The following GRIP1 variants were observed in gnomAD, a reference collection of about 807,000 sequenced individuals.
GRIP1 encodes glutamate receptor-interacting protein 1.
A neutral mutation model predicts 129.9 loss-of-function variants in GRIP1; 45 were observed. That is an observed-to-expected ratio of 0.35 (90% confidence interval 0.27 to 0.44). The LOEUF is 0.44. GRIP1 is among the 20% of genes least tolerant of loss of function. GRIP1 has a pLI of 1.00. For synonymous variants in GRIP1, 530 were observed against 520.8 expected, an observed-to-expected ratio of 1.02 and a Z score of -0.24; for missense variants, 1,196 against 1,396.8, an observed-to-expected ratio of 0.86 and a Z score of 2.29.
intron 1 of GRIP1, among the ~76,000 whole-genome samples, chr12:66,677,549 A>G (rs371745183): frequency 1.3e-5 from 2 of 152,308 alleles, no homozygotes; most frequent in East Asian, 3.9e-4. Flanking sequence ...GTCTGTACCA[A>G]TTGTAGAGGA....
At chr12:66,677,276 G>A (rs1420553933) in intron 1 of GRIP1, among the ~76,000 whole-genome samples, 2 of 152,102 alleles carry the variant, frequency 1.3e-5, no homozygotes, top group African/African-American at 4.8e-5. Flanking sequence ...AAAAATATTT[G>A]TAAGAACTAT....
At chr12:66,697,108 TGAAG>T (rs2035193267) in intron 1 of GRIP1, among the ~76,000 whole-genome samples, 1 of 152,058 alleles carries the variant, frequency 6.6e-6, no homozygotes, top group African/African-American at 2.4e-5. Flanking sequence ...AGTGAATGAA[TGAAG>T]GAACAAGCAA....
chr12:66,715,203 G>A (rs1043500122), intron 1 of GRIP1, among the ~76,000 whole-genome samples: 3 of 151,846 alleles, frequency 2.0e-5, no homozygotes, highest in African/African-American at 7.3e-5. Flanking sequence ...AGGTGTACAG[G>A]GTCTTTCATG....
At chr12:66,352,107 T>C (rs2054256186) in intron 24 of GRIP1, among the ~76,000 whole-genome samples, 1 of 152,200 alleles carries the variant, frequency 6.6e-6, no homozygotes, top group African/African-American at 2.4e-5. Context: ...AGCATTGTTC[T>C]TGGAACTGAG....
chr12:66,879,611 T>C (rs1504320), intron 1 of GRIP1, among the ~76,000 whole-genome samples: 12,743 of 151,880 alleles, frequency 0.084, 667 homozygotes, highest in Admixed American at 0.17. Flanking sequence ...TGGAGGAAGC[T>C]GAACAGCAAA....
At chr12:66,811,654 T>C (rs1468288643) in intron 1 of GRIP1, among the ~76,000 whole-genome samples, 1 of 152,000 alleles carries the variant, frequency 6.6e-6, no homozygotes, top group Non-Finnish European at 1.5e-5. Flanking sequence ...CCTCCCTCCT[T>C]CCCTTCTTTC....
chr12:66,511,791 A>G (rs1414949921), intron 7 of GRIP1, among the ~76,000 whole-genome samples: 1 of 152,196 alleles, frequency 6.6e-6, no homozygotes, highest in East Asian at 1.9e-4. Context: ...CTATGACATT[A>G]TTAAACTTGT....
At chr12:66,464,773 G>A (rs956742735) in intron 8 of GRIP1, among the ~76,000 whole-genome samples, 1 of 152,018 alleles carries the variant, frequency 6.6e-6, no homozygotes, top group Non-Finnish European at 1.5e-5. Flanking sequence ...CCCTGTAACA[G>A]TAACTTGCTT....
chr12:66,488,532 C>T (rs749770510), intron 7 of GRIP1, among the ~76,000 whole-genome samples: 4 of 151,988 alleles, frequency 2.6e-5, no homozygotes, highest in Non-Finnish European at 5.9e-5. Context: ...AGCAAGATCT[C>T]AAGTTAACAA....
intron 1 of GRIP1, among the ~76,000 whole-genome samples, chr12:67,066,888 T>TTTTTTATATATATATATATATATATA (rs59891449): frequency 8.0e-6 from 1 of 125,662 alleles, no homozygotes; most frequent in Non-Finnish European, 1.6e-5. Flanking sequence ...AAATATATAT[T>TTTTTTATATATATATATATATATATA]TATATATATA....
At position 66,358,061 on chromosome 12, in the gene GRIP1, T is replaced by G. The variant is rs115045461; in HGVS notation, c.3013-4498A>C. On this transcript the variant is annotated intron_variant, in intron 23 of 24. Transcript: ENST00000359742. ...GGCACCTGCCCCTACGCCCGGCTAATGTTTATATTTTTAGTAGAGATAGGG... is the reference window on the plus strand; with the variant it reads ...GGCACCTGCCCCTACGCCCGGCTAAGGTTTATATTTTTAGTAGAGATAGGG... Among the ~76,000 whole-genome samples the G allele has an allele frequency of 5.5e-3, 839 of 152,226 alleles. 3 individuals carry two copies. Among genetic ancestry groups the G allele is most frequent in the African/African-American group, 0.019 (793 of 41,530 alleles).
chr12:66,992,232 C>G (rs953509323), intron 1 of GRIP1, among the ~76,000 whole-genome samples: 1 of 152,162 alleles, frequency 6.6e-6, no homozygotes, highest in Non-Finnish European at 1.5e-5. Context: ...CCATGTGCAG[C>G]ACAATTCTTA....
intron 7 of GRIP1, among the ~76,000 whole-genome samples, chr12:66,467,139 G>A (rs1259406087): frequency 2.0e-5 from 3 of 152,108 alleles, no homozygotes; most frequent in Admixed American, 2.0e-4. Flanking sequence ...GACCATCAGG[G>A]CCTATATCTC....
chr12:66,525,355 G>C (rs1185314820), intron 5 of GRIP1, among the ~76,000 whole-genome samples: 1 of 151,900 alleles, frequency 6.6e-6, no homozygotes, highest in Non-Finnish European at 1.5e-5. Context: ...CTTCATCCCT[G>C]GGATGCAAGG....
Position 66,861,718 on chromosome 12 carries a change from AAAC to A in GRIP1, c.58+207329_58+207331del, listed in dbSNP as rs1364225181. The stretch of plus-strand genomic sequence containing the variant: ...CACACTATTTTGCAGCACCTCTCAC[AAAC>A]AACAAATTGATATTAATAAAATAAA... On this transcript the variant is annotated intron_variant, in intron 1 of 1. Coordinates refer to the GRIP1 transcript ENST00000643019. Among the ~76,000 whole-genome samples, 3 of 152,206 alleles carry A rather than the reference AAAC, an allele frequency of 2.0e-5. No homozygotes were observed. The South Asian group carries it at 6.2e-4, about 32-fold the overall frequency.
intron 1 of GRIP1, among the ~76,000 whole-genome samples, chr12:66,888,084 G>T (rs946722139): frequency 6.6e-6 from 1 of 151,988 alleles, no homozygotes; most frequent in Non-Finnish European, 1.5e-5. Flanking sequence ...TTGAGACAGG[G>T]TCTCTCTCTG....
At position 66,401,598 on chromosome 12, in the gene GRIP1, GTATA is replaced by G. The variant is rs1555177931; in HGVS notation, c.1984+4681_1984+4684del. ...CCGTCTCAAAAAAAAAAATATGTGT[GTATA>G]TATATATACACACACACACACACAC... On this transcript the variant is annotated intron_variant, in intron 16 of 24. Coordinates refer to ENST00000359742, the MANE Select transcript of GRIP1 (RefSeq NM_001366722.1). 6.6e-3 allele frequency among the ~76,000 whole-genome samples: 438 copies of G among 66,270 alleles called. 15 individuals carry two copies. The highest frequency in any genetic ancestry group is 0.026 in the African/African-American group (423 of 16,340). The allele number at this position is 66,270 out of a possible 152,430, so 43.5% of individuals were successfully genotyped here. A position where few individuals can be genotyped will look rare whatever the true frequency, so the allele number is the denominator to read the frequency against.
intron 1 of GRIP1, among the ~76,000 whole-genome samples, chr12:66,985,808 T>C (rs1322008546): frequency 6.6e-6 from 1 of 152,226 alleles, no homozygotes; most frequent in Non-Finnish European, 1.5e-5. Context: ...CAAGATGGCA[T>C]GTCGTTTGTA....
At chr12:66,588,682 G>C (rs1213008157) in intron 2 of GRIP1, among the ~76,000 whole-genome samples, 5 of 152,006 alleles carry the variant, frequency 3.3e-5, no homozygotes, top group Non-Finnish European at 7.4e-5. Flanking sequence ...CAGAACTTCA[G>C]TTTGCTGGTG....
Sources: allele counts gnomAD v4.1 joint callset (sites outside exome capture counted in the v4.1 genomes callset), GRCh38; gene constraint gnomAD v4.1.1; transcripts MANE v1.5; gene names NCBI Gene and HGNC (gene_info 2026-07-23, HGNC 2026-07-21).